HTR6: variants seen among roughly 807,000 people sequenced by gnomAD.
HTR6 encodes 5-hydroxytryptamine receptor 6, also known as 5-hydroxytryptamine (serotonin) receptor 6, G protein-coupled.
HTR6 carries 15 observed loss-of-function variants against 17.4 expected under a neutral mutation model. The ratio of observed to expected loss-of-function variants is 0.86; its 90% CI spans 0.58 to 1.33. The LOEUF is 1.33. HTR6 is among the 40% of genes most tolerant of loss of function. The pLI, the probability that HTR6 is intolerant of heterozygous loss-of-function variation, is 0.00. For synonymous variants in HTR6, 326 were observed against 295.5 expected (o/e 1.10, Z -1.06); for missense variants, 578 against 616.0 (o/e 0.94, Z 0.65).
chr1:19,675,753 G>A (rs71645460), intron 1 of HTR6, among the ~76,000 whole-genome samples: 3,812 of 152,160 alleles, frequency 0.025, 65 homozygotes, highest in Middle Eastern at 0.051. Context: ...TCTCCATGCC[G>A]TCTATTCCCA....
At chr1:19,668,168 G>T (rs902669959) in intron 1 of HTR6, among the ~76,000 whole-genome samples, 19 of 152,334 alleles carry the variant, frequency 1.2e-4, no homozygotes, top group Non-Finnish European at 1.5e-5. Context: ...AGTCTTGGCA[G>T]GTGGCTGGGA....
chr1:19,673,967 A>C (rs909963054), intron 1 of HTR6, among the ~76,000 whole-genome samples: 1 of 150,594 alleles, frequency 6.6e-6, no homozygotes, highest in Admixed American at 6.7e-5. Flanking sequence ...CTTCTGACTC[A>C]GGTGATCCTC....
intron 1 of HTR6, among the ~76,000 whole-genome samples, chr1:19,671,602 A>G (rs1253713117): frequency 6.6e-6 from 1 of 152,134 alleles, no homozygotes; most frequent in African/African-American, 2.4e-5. Context: ...AGTGATGAGA[A>G]TGAATCAGAT....
In HTR6 at chr1:19,679,705, G is replaced by T. The variant is rs1204285647; in HGVS notation, c.*337G>T. 6.6e-6 allele frequency: 2 copies of T among 302,484 alleles called. No homozygotes were observed. The highest frequency in any genetic ancestry group is 1.2e-5 in the Non-Finnish European group (2 of 163,884). The allele number at this position is 302,484 out of a possible 1,614,324, so 18.7% of individuals were successfully genotyped here. ...TCATGACCTTTGCCCATTCTGTCAG[G>T]CTGGACGGGAGGGAATGCCCCCACC... On this transcript the variant is annotated 3_prime_UTR_variant, in exon 3 of 3. Transcript: ENST00000289753. The surrounding 1 kb of genome is among the most constrained non-coding windows in gnomAD (Gnocchi z 4.9).
chr1:19,668,078 G>A (rs2095083757), intron 1 of HTR6, among the ~76,000 whole-genome samples: 1 of 152,238 alleles, frequency 6.6e-6, no homozygotes, highest in Non-Finnish European at 1.5e-5. Context: ...TGGGGTGGGG[G>A]CAGGGCCCCA....
At position 19,666,575 on chromosome 1, in the gene HTR6, C is replaced by A; in HGVS notation, c.714+108C>A. The A allele has an allele frequency of 1.2e-6, 1 of 824,650 alleles. No homozygotes were observed. Among genetic ancestry groups the A allele is most frequent in the Non-Finnish European group, 1.9e-6 (1 of 539,858 alleles). 51.1% of individuals were successfully genotyped at this position (824,650 alleles called of 1,614,324 possible). On this transcript the variant is annotated intron_variant, in intron 1 of 2. Coordinates refer to ENST00000289753, the MANE Select transcript of HTR6 (RefSeq NM_000871.3). This position sits in a 1 kb window ranked among gnomAD's most constrained non-coding sequence, Gnocchi z 4.5. ...TAGCACACATTTGCTCATGGCCCTG[C>A]GTGGCTGTTGTGAGCGCCCACCTTT...
chr1:19,665,889 C>G lies in HTR6; in HGVS notation c.136C>G (p.Leu46Val). Residue 46 changes from leucine (L) to valine (V), a missense_variant, in exon 1 of 3, where the codon CTG (leucine) becomes GTG (valine). Leu to Val is a conservative substitution (Grantham distance 32, BLOSUM62 1). Transcript: ENST00000289753. This position sits in a 1 kb window ranked among gnomAD's most constrained non-coding sequence, Gnocchi z 4.2. ...VIALTAAANS[L>V]LIALICTQPA... ...CGCGCTGACGGCGGCGGCCAACTCG[C>G]TGCTGATCGCGCTCATCTGCACTCA... 6.2e-7 allele frequency: 1 copy of G among 1,609,882 alleles called. No individual in the cohort carries two copies. Among genetic ancestry groups the G allele is most frequent in the Non-Finnish European group, 8.5e-7 (1 of 1,178,614 alleles).
chr1:19,671,872 C>T (rs1184192591), intron 1 of HTR6, among the ~76,000 whole-genome samples: 3 of 152,308 alleles, frequency 2.0e-5, no homozygotes, highest in Non-Finnish European at 2.9e-5. Context: ...TTCCCACCAC[C>T]TCAGGGCTGG....
chr1:19,667,816 G>A (rs894020287), intron 1 of HTR6, among the ~76,000 whole-genome samples: 8 of 152,198 alleles, frequency 5.3e-5, no homozygotes, highest in Non-Finnish European at 1.0e-4. Flanking sequence ...TGGAGGGGTG[G>A]GTGTGTAGAC....
chr1:19,666,071 C>T lies in HTR6; in HGVS notation c.318C>T (p.Asp106=), dbSNP rs201397031. The change falls in exon 1 of 3, where the codon GAC becomes GAT. Residue 106 remains aspartate (D), a synonymous_variant. Coordinates refer to ENST00000289753, the MANE Select transcript of HTR6 (RefSeq NM_000871.3). This position sits in a 1 kb window ranked among gnomAD's most constrained non-coding sequence, Gnocchi z 4.5. ...TCTGCCTGCTCTGGACCGCCTTCGA[C>T]GTGATGTGCTGCAGCGCCTCCATCC... The part of the protein sequence containing the change: ...RGLCLLWTAF[D]VMCCSASILN... The T allele has an allele frequency of 5.6e-6, 9 of 1,613,156 alleles. No individual in the cohort carries two copies. Among genetic ancestry groups the T allele is most frequent in the Non-Finnish European group, 7.6e-6 (9 of 1,179,856 alleles).
At position 19,665,674 on chromosome 1, in the gene HTR6, C is replaced by T. The variant is rs994092135; in HGVS notation, c.-80C>T. 4 of 970,656 alleles carry T rather than the reference C, an allele frequency of 4.1e-6. No homozygotes were observed. The East Asian group carries it at 1.1e-4, about 27-fold the overall frequency. The allele number at this position is 970,656 out of a possible 1,614,324, so 60.1% of individuals were successfully genotyped here. A position where few individuals can be genotyped will look rare whatever the true frequency, so the allele number is the denominator to read the frequency against. On this transcript the variant is annotated 5_prime_UTR_variant, in exon 1 of 3. Coordinates refer to ENST00000289753, the MANE Select transcript of HTR6 (RefSeq NM_000871.3). The surrounding 1 kb of genome is among the most constrained non-coding windows in gnomAD (Gnocchi z 4.2). The stretch of plus-strand genomic sequence containing the variant: ...GCGGTCTGTTCTCACGGACGGTCCC[C>T]GTCCAGCCTGCGCTTCGCCGGGGCC...
At position 19,680,939 on chromosome 1, in the gene HTR6, G is replaced by T. The variant is rs896643422; in HGVS notation, c.*1571G>T. Among the ~76,000 whole-genome samples the T allele has an allele frequency of 6.6e-6, 1 of 152,166 alleles. No individual in the cohort carries two copies. Among genetic ancestry groups the T allele is most frequent in the Non-Finnish European group, 1.5e-5 (1 of 68,030 alleles). ...CCTATCCCCCAGGTCTGCCCAAGGG[G>T]ACTCTCAATAAACTCTAGCTGAAGG... On this transcript the variant is annotated 3_prime_UTR_variant, in exon 3 of 3. Coordinates refer to ENST00000289753, the MANE Select transcript of HTR6 (RefSeq NM_000871.3).
intron 1 of HTR6, among the ~76,000 whole-genome samples, chr1:19,668,366 G>A (rs1367690025): frequency 6.6e-6 from 1 of 152,106 alleles, no homozygotes; most frequent in Non-Finnish European, 1.5e-5. Flanking sequence ...GCTCATTCCA[G>A]CCTGAAGAGC....
chr1:19,678,797 G>T (rs2095097542), intron 2 of HTR6, 72 bp downstream of exon 2: 30 of 1,567,242 alleles, frequency 1.9e-5, no homozygotes, highest in Non-Finnish European at 2.6e-5. Flanking sequence ...CCAGGCATGG[G>T]GACAGGGGAG....
intron 1 of HTR6, among the ~76,000 whole-genome samples, chr1:19,671,984 G>A (rs2095088889): frequency 6.6e-6 from 1 of 152,066 alleles, no homozygotes; most frequent in Non-Finnish European, 1.5e-5. Context: ...GGGAGTGTGT[G>A]TGTTGGGAGC....
At position 19,679,315 on chromosome 1, in the gene HTR6, G is replaced by T. The variant is rs200119648; in HGVS notation, c.1270G>T (p.Asp424Tyr). 1.9e-6 allele frequency: 3 copies of T among 1,606,660 alleles called. No homozygotes were observed. The highest frequency in any genetic ancestry group is 2.5e-6 in the Non-Finnish European group (3 of 1,176,900). The part of the protein sequence containing the change: ...AAAAVNFFNI[D>Y]PAEPELRPHP... ...TGCCGCCGTCAATTTCTTCAACATC[G>T]ACCCCGCGGAGCCCGAGCTGCGGCC... The change falls in exon 3 of 3, where the codon GAC becomes TAC. Residue 424 changes from aspartate (D) to tyrosine (Y), a missense_variant. By Grantham distance (160) the Asp-to-Tyr change is radical. Transcript: ENST00000289753. This position sits in a 1 kb window ranked among gnomAD's most constrained non-coding sequence, Gnocchi z 4.9.
intron 1 of HTR6, 93 bp from the exon 2 acceptor site, chr1:19,678,474 T>C: frequency 6.8e-7 from 1 of 1,476,956 alleles, no homozygotes; most frequent in Admixed American, 1.7e-5. Flanking sequence ...TAGGGCTCAG[T>C]CTAGAATTAG....
chr1:19,666,154 A>G lies in HTR6; in HGVS notation c.401A>G (p.Tyr134Cys). 2 of 1,611,674 alleles carry G rather than the reference A, an allele frequency of 1.2e-6. No individual in the cohort carries two copies. ...RYLLILSPLR[Y>C]KLRMTPLRAL... ...CTGCTCATCCTCTCGCCGCTGCGCT[A>G]CAAGCTGCGCATGACGCCCCTGCGT... Residue 134 changes from tyrosine to cysteine, a missense_variant, in exon 1 of 3, where the codon TAC (tyrosine) becomes TGC (cysteine). Transcript: ENST00000289753. The surrounding 1 kb of genome is among the most constrained non-coding windows in gnomAD (Gnocchi z 4.5).
At position 19,665,094 on chromosome 1, in the gene HTR6, C is replaced by T. The variant is rs1162493276; in HGVS notation, c.-660C>T. Among the ~76,000 whole-genome samples the T allele has an allele frequency of 6.6e-6, 1 of 151,674 alleles. No individual in the cohort carries two copies. The highest frequency in any genetic ancestry group is 1.5e-5 in the Non-Finnish European group (1 of 67,852). The stretch of plus-strand genomic sequence containing the variant: ...TGCCGGGTGGGGAGGGGGCGCCGCG[C>T]GGCCGCTGCCCTCCTCTTCCCGCGG... On this transcript the variant is annotated 5_prime_UTR_variant, in exon 1 of 3. Coordinates refer to ENST00000289753, the MANE Select transcript of HTR6 (RefSeq NM_000871.3). This position sits in a 1 kb window ranked among gnomAD's most constrained non-coding sequence, Gnocchi z 4.2.
Sources: allele counts gnomAD v4.1 joint callset (sites outside exome capture counted in the v4.1 genomes callset), GRCh38; gene constraint gnomAD v4.1.1; non-coding constraint Gnocchi (gnomAD v3.1); transcripts MANE v1.5; gene names NCBI Gene and HGNC (gene_info 2026-07-23, HGNC 2026-07-21).